Variants in PLAC1 observed in about 807,000 individuals in gnomAD.
PLAC1 encodes placenta-specific protein 1.
For missense variants in PLAC1, 136 were observed against 163.2 expected (o/e 0.83, Z 0.91); for synonymous variants, 68 against 62.1 (o/e 1.09, Z -0.44).
chrX:134,717,882 G>C (rs2078647824), intron 2 of PLAC1, among the ~76,000 whole-genome samples: 1 of 111,778 alleles, frequency 8.9e-6, no homozygotes, highest in African/African-American at 3.3e-5. Context: ...AAACATGTGA[G>C]ATTTGACATC....
chrX:134,653,112 T>C (rs2078372111), intron 1 of PLAC1, among the ~76,000 whole-genome samples: 2 of 112,739 alleles, frequency 1.8e-5, no homozygotes. Context: ...AGTCCAGGTG[T>C]GCCTGTGGGG....
At chrX:134,598,349 A>G (rs2078071842) in intron 2 of PLAC1, among the ~76,000 whole-genome samples, 1 of 112,150 alleles carries the variant, frequency 8.9e-6, no homozygotes, top group African/African-American at 3.2e-5. Context: ...CTGCTCTTTA[A>G]CTAACAGATC....
intron 2 of PLAC1, among the ~76,000 whole-genome samples, chrX:134,683,656 G>A (rs773055096): frequency 8.9e-6 from 1 of 112,046 alleles, no homozygotes; most frequent in Non-Finnish European, 1.9e-5. Flanking sequence ...TGTTGTCCCT[G>A]ACACTGAGCC....
At chrX:134,721,107 CAAAT>C (rs1377322019) in intron 2 of PLAC1, among the ~76,000 whole-genome samples, 1 of 112,347 alleles carries the variant, frequency 8.9e-6, no homozygotes, top group Admixed American at 9.4e-5. Context: ...GATAAAAAGA[CAAAT>C]AACCTAATTA....
Position 134,598,068 on chromosome X carries a change from G to T in PLAC1, c.-59+3983C>A, listed in dbSNP as rs1308011529. Among the ~76,000 whole-genome samples the T allele has an allele frequency of 2.7e-5, 3 of 112,061 alleles. No individual in the cohort carries two copies. In the East Asian group the frequency reaches 8.4e-4, roughly 31 times the overall value. On this transcript the variant is annotated intron_variant, in intron 2 of 2. Coordinates refer to ENST00000359237, the MANE Select transcript of PLAC1 (RefSeq NM_021796.4). ...TAACTAGGGTTTATAGTTGTACTTA[G>T]TGAAAGGAATAGGGAAAAGTACATC...
chrX:134,633,002 A>C (rs776165723), intron 1 of PLAC1, among the ~76,000 whole-genome samples: 189 of 111,769 alleles, frequency 1.7e-3, no homozygotes, highest in African/African-American at 5.9e-3. Context: ...TAGTCCCCTC[A>C]ATGTTATTCA....
upstream of PLAC1, among the ~76,000 whole-genome samples, chrX:134,663,466 G>T (rs754409329): frequency 8.9e-6 from 1 of 112,875 alleles, no homozygotes; most frequent in East Asian, 2.8e-4. Context: ...GCGCGTGCAC[G>T]TGTGCACACG....
At chrX:134,567,270 G>C (rs1047352553) in intron 2 of PLAC1, among the ~76,000 whole-genome samples, 2 of 112,135 alleles carry the variant, frequency 1.8e-5, no homozygotes, top group Non-Finnish European at 3.8e-5. Flanking sequence ...ATTTTGCCGA[G>C]TGGCTTACTT....
At position 134,763,190 on chromosome X, in the gene PLAC1, G is replaced by C. The variant is rs775882729; in HGVS notation, n.89+1044C>G. Among the ~76,000 whole-genome samples the C allele has an allele frequency of 2.4e-3, 266 of 111,170 alleles. 1 individual carries two copies. The highest frequency in any genetic ancestry group is 8.2e-3 in the African/African-American group (249 of 30,542). On this transcript the variant is annotated intron_variant and non_coding_transcript_variant, in intron 1 of 2. Coordinates refer to the PLAC1 transcript ENST00000466797. ...CCCCGCATCCCACAGGTCTCCGAGG[G>C]AGATGGATGCTTACAGGGAAGATTC...
At chrX:134,704,138 A>G in intron 2 of PLAC1, among the ~76,000 whole-genome samples, 1 of 108,144 alleles carries the variant, frequency 9.2e-6, no homozygotes. Context: ...AGGGGAAATA[A>G]AAACATTAAT....
intron 2 of PLAC1, among the ~76,000 whole-genome samples, chrX:134,588,299 TTTATTTA>T (rs1326199882): frequency 0.048 from 818 of 16,909 alleles, 10 homozygotes; most frequent in African/African-American, 0.063. Context: ...ATTTTATTTA[TTTATTTA>T]TTTATTTATT....
At chrX:134,696,807 T>A (rs1014231503) in intron 2 of PLAC1, among the ~76,000 whole-genome samples, 2 of 109,308 alleles carry the variant, frequency 1.8e-5, no homozygotes, top group African/African-American at 6.7e-5. Flanking sequence ...GGCGGGAGGA[T>A]CACGAGGTCA....
chrX:134,577,464 G>A (rs1277452761), intron 2 of PLAC1, among the ~76,000 whole-genome samples: 1 of 111,509 alleles, frequency 9.0e-6, no homozygotes, highest in African/African-American at 3.3e-5. Context: ...CAAGGCGGGC[G>A]TATCACCTAA....
intron 2 of PLAC1, among the ~76,000 whole-genome samples, chrX:134,716,584 C>T (rs2078643998): frequency 8.9e-6 from 1 of 112,350 alleles, no homozygotes; most frequent in Non-Finnish European, 1.9e-5. Flanking sequence ...CCTCATCCTG[C>T]TAGCAAATGG....
intron 2 of PLAC1, among the ~76,000 whole-genome samples, chrX:134,702,612 GA>G (rs934691427): frequency 5.4e-5 from 6 of 111,854 alleles, no homozygotes; most frequent in South Asian, 3.7e-4. Context: ...GGGAGTGAGA[GA>G]GGGGGGCAAG....
intron 1 of PLAC1, among the ~76,000 whole-genome samples, chrX:134,603,487 G>C (rs1006043065): frequency 9.9e-6 from 1 of 100,679 alleles, no homozygotes; most frequent in Admixed American, 1.1e-4. Context: ...ACAGGTGCCC[G>C]CCACCACGCC....
chrX:134,718,231 C>T (rs2078648621), intron 2 of PLAC1, among the ~76,000 whole-genome samples: 1 of 111,268 alleles, frequency 9.0e-6, no homozygotes, highest in African/African-American at 3.3e-5. Flanking sequence ...GAAAGCCTCC[C>T]TGGAGAAAAA....
chrX:134,579,331 A>G (rs2124359206), intron 2 of PLAC1, among the ~76,000 whole-genome samples: 1 of 111,482 alleles, frequency 9.0e-6, no homozygotes, highest in African/African-American at 3.3e-5. Flanking sequence ...AGGCCTTTCC[A>G]CCAGCCCACC....
intron 2 of PLAC1, among the ~76,000 whole-genome samples, chrX:134,713,216 G>A (rs992138682): frequency 9.0e-6 from 1 of 111,596 alleles, no homozygotes; most frequent in Non-Finnish European, 1.9e-5. Context: ...TGAATGAAGA[G>A]CTTCCGACCT....
Sources: allele counts gnomAD v4.1 joint callset (sites outside exome capture counted in the v4.1 genomes callset), GRCh38; gene constraint gnomAD v4.1.1; transcripts MANE v1.5; gene names NCBI Gene and HGNC (gene_info 2026-07-23, HGNC 2026-07-21).